Variants in CCDC187 observed in about 807,000 individuals in gnomAD.
The protein encoded by CCDC187 is coiled-coil domain-containing protein 187.
In CCDC187, 32 loss-of-function variants were observed where a neutral mutation model predicts 38.0. The ratio of observed to expected loss-of-function variants is 0.84; its 90% confidence interval spans 0.64 to 1.13. CCDC187 has a LOEUF of 1.13. Ranked by LOEUF, CCDC187 falls within the 50% of genes most tolerant of loss-of-function variation. The pLI is 0.00. For synonymous variants in CCDC187, 333 were observed against 347.9 expected (o/e 0.96, Z 0.48); for missense variants, 707 against 786.8 (o/e 0.90, Z 1.21).
chr9:136,293,421 ATACTCT>A (rs1388158700), intron 4 of CCDC187, among the ~76,000 whole-genome samples: 5,733 of 72,654 alleles, frequency 0.079, 534 homozygotes, highest in East Asian at 0.22. Flanking sequence ...ACATGCTCAC[ATACTCT>A]CACATGCTCA....
intron 7 of CCDC187, among the ~76,000 whole-genome samples, chr9:136,288,352 G>C (rs1474172034): frequency 6.6e-6 from 1 of 152,196 alleles, no homozygotes; most frequent in African/African-American, 2.4e-5. Context: ...CCTGCAGAGA[G>C]GGGTGGGAGC....
rs1352921214 is a variant in CCDC187, at chr9:136,286,603, A to G, written c.2315T>C (p.Val772Ala). 5.0e-6 allele frequency: 2 copies of G among 398,656 alleles called. No homozygotes were observed. The highest frequency in any genetic ancestry group is 2.1e-5 in the African/African-American group (1 of 48,644). The allele number at this position is 398,656 out of a possible 1,614,324, so 24.7% of individuals were successfully genotyped here. A position where few individuals can be genotyped will look rare whatever the true frequency, so the allele number is the denominator to read the frequency against. ...CAGAGAGGGTGAAGCTGACAGCAGCACGGGGGCATCCCGGCCATCTTGGGG... is the reference window on the plus strand; with the variant it reads ...CAGAGAGGGTGAAGCTGACAGCAGCGCGGGGGCATCCCGGCCATCTTGGGG... ...GGPQDGRDAP[V>A]LLSASPSLGS... The change falls in exon 8 of 26, where the codon GTG (valine) becomes GCG (alanine). Residue 772 changes from valine to alanine, a missense_variant. Physicochemically the swap from Val to Ala is moderately conservative, Grantham distance 64. Transcript: ENST00000638797.
At chr9:136,267,919 G>A (rs1588654743) in intron 15 of CCDC187, 130 bp downstream of exon 15, 5 of 985,540 alleles carry the variant, frequency 5.1e-6, no homozygotes, top group South Asian at 4.7e-5. Flanking sequence ...CGCGATCGCC[G>A]GAAGAACCTC....
At chr9:136,263,335 T>C (rs536608795) in intron 18 of CCDC187, among the ~76,000 whole-genome samples, 4 of 150,834 alleles carry the variant, frequency 2.7e-5, no homozygotes, top group East Asian at 3.9e-4. Context: ...CCGGGGTTCA[T>C]GCCATTCTCC....
chr9:136,294,263 C>T (rs1267819189), intron 4 of CCDC187, among the ~76,000 whole-genome samples: 1 of 151,916 alleles, frequency 6.6e-6, no homozygotes, highest in African/African-American at 2.4e-5. Context: ...CTCACGCGCT[C>T]ATATACACAC....
Position 136,250,379 on chromosome 9 carries a change from C to T in CCDC187, c.*3215G>A, listed in dbSNP as rs1554759130. ...GACTGCAGCCGCCACCGCATTGCGC[C>T]GCACGTCAGCACCAACCACGTGGCA... On this transcript the variant is annotated 3_prime_UTR_variant, in exon 26 of 26. Transcript: ENST00000638797. 1.3e-5 allele frequency: 3 copies of T among 232,548 alleles called. No individual in the cohort carries two copies. Among genetic ancestry groups the T allele is most frequent in the East Asian group, 1.2e-4 (1 of 8,404 alleles). The allele number at this position is 232,548 out of a possible 1,614,324, so 14.4% of individuals were successfully genotyped here.
In CCDC187 at chr9:136,276,209, G is replaced by A. The variant is rs1830927817; in HGVS notation, c.3210C>T (p.Phe1070=). The part of the protein sequence containing the change: ...ETQQTLDGLL[F]RRRLEQLMER... Reference sequence around the variant, plus strand: ...CGGCTGCTACCTCCAGCCGCCTCCTGAAGAGCAGCCCATCCAGGGTCTGCT... The same window carrying A: ...CGGCTGCTACCTCCAGCCGCCTCCTAAAGAGCAGCCCATCCAGGGTCTGCT... Residue 1070 remains phenylalanine (F), a synonymous_variant, in exon 12 of 26, where the codon TTC becomes TTT. Transcript: ENST00000638797. 6.6e-6 allele frequency: 1 copy of A among 152,212 alleles called. No homozygotes were observed. The highest frequency in any genetic ancestry group is 2.4e-5 in the African/African-American group (1 of 41,444). The allele number at this position is 152,212 out of a possible 1,614,324, so 9.4% of individuals were successfully genotyped here. A position where few individuals can be genotyped will look rare whatever the true frequency, so the allele number is the denominator to read the frequency against.
intron 4 of CCDC187, among the ~76,000 whole-genome samples, chr9:136,293,779 G>A (rs1224779852): frequency 1.3e-5 from 2 of 149,674 alleles, no homozygotes; most frequent in East Asian, 2.0e-4. Flanking sequence ...CTCACACACG[G>A]TCTCATCCTC....
At chr9:136,302,383 C>T (rs1189266880) in intron 2 of CCDC187, among the ~76,000 whole-genome samples, 4 of 149,952 alleles carry the variant, frequency 2.7e-5, no homozygotes, top group Non-Finnish European at 5.9e-5. Context: ...CCCCCCACCA[C>T]ACTCCCACCC....
chr9:136,255,665 G>T lies in CCDC187; in HGVS notation c.4685C>A (p.Ala1562Asp). 6 of 985,296 alleles carry T rather than the reference G, an allele frequency of 6.1e-6. No homozygotes were observed. Among genetic ancestry groups the T allele is most frequent in the Non-Finnish European group, 7.2e-6 (6 of 829,818 alleles). 61.0% of individuals were successfully genotyped at this position (985,296 alleles called of 1,614,324 possible). A position where few individuals can be genotyped will look rare whatever the true frequency, so the allele number is the denominator to read the frequency against. ...STWLEAAQAA[A>D]SPAAPVVPEE... Reference sequence around the variant, plus strand: ...GGGGGCTGGGGCATTACCTGGGGAGGCAGCGGCCTGGGCAGCCTCCAGCCA... The same window carrying T: ...GGGGGCTGGGGCATTACCTGGGGAGTCAGCGGCCTGGGCAGCCTCCAGCCA... Residue 1562 changes from alanine (A) to aspartate (D), a missense_variant, in exon 25 of 26, where the codon GCC (alanine) becomes GAC (aspartate). Physicochemically the swap from Ala to Asp is moderately radical, Grantham distance 126. Coordinates refer to ENST00000638797, the MANE Select transcript of CCDC187 (RefSeq NM_001378188.1).
At chr9:136,274,058 C>T (rs1191282974) in intron 14 of CCDC187, among the ~76,000 whole-genome samples, 4 of 152,226 alleles carry the variant, frequency 2.6e-5, no homozygotes, top group Non-Finnish European at 5.9e-5. Flanking sequence ...GCTTTCCCAC[C>T]AGGGAAAGCC....
rs1223847545 is a variant in CCDC187 at position 136,252,578 on chromosome 9, C to T, written c.*1016G>A. The T allele has an allele frequency of 4.6e-5, 8 of 173,248 alleles. No homozygotes were observed. Among genetic ancestry groups the T allele is most frequent in the South Asian group, 9.3e-5 (1 of 10,702 alleles). The allele number at this position is 173,248 out of a possible 1,614,324, so 10.7% of individuals were successfully genotyped here. The stretch of plus-strand genomic sequence containing the variant: ...AGACTGTCCCGCACAGCCGGCCGCC[C>T]GGCCGGTCCACCCTGGGAAAGTCCA... On this transcript the variant is annotated 3_prime_UTR_variant, in exon 26 of 26. Transcript: ENST00000638797.
intron 14 of CCDC187, among the ~76,000 whole-genome samples, chr9:136,272,662 C>A (rs1176709522): frequency 6.6e-6 from 1 of 151,716 alleles, no homozygotes; most frequent in Non-Finnish European, 1.5e-5. Flanking sequence ...AAGATTGCAC[C>A]TTTGCACTCC....
intron 3 of CCDC187, among the ~76,000 whole-genome samples, 191 bp from the exon 4 acceptor site, chr9:136,298,012 T>G (rs1232035569): frequency 6.6e-6 from 1 of 152,220 alleles, no homozygotes; most frequent in Admixed American, 6.5e-5. Context: ...ACAGTCTGAC[T>G]GTCACGTCCC....
intron 9 of CCDC187, among the ~76,000 whole-genome samples, 195 bp downstream of exon 9, chr9:136,285,318 C>T (rs1488644403): frequency 6.6e-6 from 1 of 152,114 alleles, no homozygotes; most frequent in Non-Finnish European, 1.5e-5. Context: ...CTGCCCCGGC[C>T]AGCGTCCGAG....
chr9:136,283,649 A>G (rs1831100271), intron 9 of CCDC187, among the ~76,000 whole-genome samples: 2 of 152,184 alleles, frequency 1.3e-5, no homozygotes, highest in South Asian at 2.1e-4. Flanking sequence ...TCTGGGTGCC[A>G]TTGCCACAGG....
At chr9:136,300,440 G>A (rs974664726) in intron 2 of CCDC187, 122 bp from the exon 3 acceptor site, 4 of 385,024 alleles carry the variant, frequency 1.0e-5, no homozygotes, top group Non-Finnish European at 1.8e-5. Flanking sequence ...TTGAGACAGG[G>A]TCTCACTCTG....
In CCDC187 at chr9:136,281,654, C is replaced by T. The variant is rs996275544; in HGVS notation, c.2937G>A (p.Ala979=). The change falls in exon 10 of 26, where the codon GCG becomes GCA. Residue 979 remains alanine (A), a synonymous_variant. Transcript: ENST00000638797. Reference sequence around the variant, plus strand: ...AGATAGGGTGCAGCGTGGCTGGGCCCGCATATGAGCTGGAAGACACAGGCA... The same window carrying T: ...AGATAGGGTGCAGCGTGGCTGGGCCTGCATATGAGCTGGAAGACACAGGCA... The part of the protein sequence containing the change: ...ALSPSAGSSY[A]GPATLHPIWG... 7.5e-5 allele frequency: 30 copies of T among 398,406 alleles called. No individual in the cohort carries two copies. Among genetic ancestry groups the T allele is most frequent in the African/African-American group, 4.1e-4 (20 of 48,596 alleles). The allele number at this position is 398,406 out of a possible 1,614,324, so 24.7% of individuals were successfully genotyped here.
At position 136,286,547 on chromosome 9, in the gene CCDC187, G is replaced by A. The variant is rs987896331; in HGVS notation, c.2371C>T (p.Arg791Cys). ...GSLELQDLTT[R>C]YLPRGMCIYL... ...ATGCACATCCCCCGGGGTAGGTAGCGGGTGGTCAGGTCCTGGAGCTCCAGG... is the reference window on the plus strand; with the variant it reads ...ATGCACATCCCCCGGGGTAGGTAGCAGGTGGTCAGGTCCTGGAGCTCCAGG... The change falls in exon 8 of 26, where the codon CGC (arginine) becomes TGC (cysteine). Residue 791 changes from arginine to cysteine, a missense_variant. Physicochemically the swap from Arg to Cys is radical, Grantham distance 180 (BLOSUM62 -3). Coordinates refer to ENST00000638797, the MANE Select transcript of CCDC187 (RefSeq NM_001378188.1). 8 of 398,592 alleles carry A rather than the reference G, an allele frequency of 2.0e-5. No homozygotes were observed. The highest frequency in any genetic ancestry group is 1.1e-4 in the East Asian group (3 of 28,080). The allele number at this position is 398,592 out of a possible 1,614,324, so 24.7% of individuals were successfully genotyped here.
Sources: gnomAD v4.1 joint callset for allele counts (sites outside exome capture counted in the v4.1 genomes callset) on GRCh38, gnomAD v4.1.1 for gene constraint, MANE v1.5 for transcripts, NCBI Gene and HGNC (gene_info 2026-07-23, HGNC 2026-07-21) for gene names.